The following KCNMB2 variants were observed in gnomAD, a reference collection of about 807,000 sequenced individuals.
KCNMB2 encodes the protein calcium-activated potassium channel subunit beta-2.
A neutral mutation model predicts 24.5 loss-of-function variants in KCNMB2; 9 were observed. That is an observed-to-expected ratio of 0.37 (90% CI 0.22 to 0.64). The LOEUF (loss-of-function observed/expected upper bound fraction) is 0.64, where lower values mean the gene tolerates loss of function less well. Ranked by LOEUF, KCNMB2 falls within the 30% of genes least tolerant of loss-of-function variation. The pLI, the probability that KCNMB2 is intolerant of heterozygous loss-of-function variation, is 0.63. For synonymous variants in KCNMB2, 109 were observed against 104.4 expected, an observed-to-expected ratio of 1.04 and a Z score of -0.27; for missense variants, 226 against 284.3, an observed-to-expected ratio of 0.79 and a Z score of 1.47.
chr3:178,829,944 C>A (rs1714990913), intron 4 of KCNMB2, among the ~76,000 whole-genome samples: 1 of 152,044 alleles, frequency 6.6e-6, no homozygotes, highest in Non-Finnish European at 1.5e-5. Context: ...TGAAAAAGTA[C>A]AGCTCAAGTA....
At chr3:178,777,638 A>G (rs1464095023) in intron 1 of KCNMB2, among the ~76,000 whole-genome samples, 1 of 152,204 alleles carries the variant, frequency 6.6e-6, no homozygotes, top group East Asian at 1.9e-4. Context: ...GTTCCCCTCC[A>G]CTAAAGGTGT....
chr3:178,594,963 T>C (rs1717812446), intron 1 of KCNMB2, among the ~76,000 whole-genome samples: 1 of 150,178 alleles, frequency 6.7e-6, no homozygotes, highest in Non-Finnish European at 1.5e-5. Flanking sequence ...AAATTATTTA[T>C]GAGGCTAATA....
chr3:178,722,930 A>G lies in KCNMB2; in HGVS notation c.-67-84413A>G, dbSNP rs745905878. ...TTCCCACCTTTGCATTGGGGATTAA[A>G]TTAACAATACATGAACTTTAGGGGA... On this transcript the variant is annotated intron_variant, in intron 1 of 4. Transcript: ENST00000452583. Among the ~76,000 whole-genome samples the G allele has an allele frequency of 2.0e-5, 3 of 152,154 alleles. 1 individual carries two copies. In the South Asian group the frequency reaches 6.2e-4, roughly 32 times the overall value.
intron 1 of KCNMB2, among the ~76,000 whole-genome samples, chr3:178,549,409 C>CA (rs1422852008): frequency 1.4e-5 from 2 of 145,862 alleles, no homozygotes; most frequent in Non-Finnish European, 3.0e-5. Flanking sequence ...CTCCTGGGTT[C>CA]AAGCGATTCT....
intron 1 of KCNMB2, among the ~76,000 whole-genome samples, chr3:178,790,150 A>G (rs974537218): frequency 6.6e-6 from 1 of 151,896 alleles, no homozygotes; most frequent in Admixed American, 6.6e-5. Flanking sequence ...TTCTAGATAC[A>G]CTGTGGGCCA....
Position 178,639,699 on chromosome 3 carries a change from TC to T in KCNMB2, c.-68+102990del, listed in dbSNP as rs1236899811. ...CCTGTTGCATGTTCCTTTCTATTCTTCCACTCTCTGTGAGTTATCACTCACT... is the reference window on the plus strand; with the variant it reads ...CCTGTTGCATGTTCCTTTCTATTCTTCACTCTCTGTGAGTTATCACTCACT... On this transcript the variant is annotated intron_variant, in intron 1 of 4. Coordinates refer to ENST00000452583, the MANE Select transcript of KCNMB2 (RefSeq NM_181361.3). 5.1e-4 allele frequency among the ~76,000 whole-genome samples: 77 copies of T among 152,358 alleles called. 1 individual carries two copies. Among genetic ancestry groups the T allele is most frequent in the African/African-American group, 1.8e-3 (75 of 41,586 alleles).
rs879539709 is a variant in KCNMB2 at position 178,782,910 on chromosome 3, T to G, written c.-67-24433T>G. ...GTAATGCCTAGGTTTTCTTCTAGGGTTTTTATGGTTTTAGGTCTAACATTT... is the reference window on the plus strand; with the variant it reads ...GTAATGCCTAGGTTTTCTTCTAGGGGTTTTATGGTTTTAGGTCTAACATTT... On this transcript the variant is annotated intron_variant, in intron 1 of 4. Transcript: ENST00000452583. Among the ~76,000 whole-genome samples the G allele has an allele frequency of 4.6e-3, 691 of 151,456 alleles. 2 individuals are homozygous for G. The highest frequency in any genetic ancestry group is 7.7e-3 in the Non-Finnish European group (518 of 67,674).
At chr3:178,582,864 A>G (rs1431491110) in intron 1 of KCNMB2, among the ~76,000 whole-genome samples, 1 of 152,204 alleles carries the variant, frequency 6.6e-6, no homozygotes, top group Non-Finnish European at 1.5e-5. Context: ...AAGGCCTTGG[A>G]TTAAATACTA....
intron 1 of KCNMB2, among the ~76,000 whole-genome samples, chr3:178,630,044 A>C (rs905381762): frequency 1.3e-5 from 2 of 152,184 alleles, no homozygotes; most frequent in Non-Finnish European, 2.9e-5. Flanking sequence ...CTCCAGTGCT[A>C]AAGGAAGAAC....
intron 1 of KCNMB2, among the ~76,000 whole-genome samples, chr3:178,650,077 T>C (rs990057585): frequency 3.3e-5 from 5 of 152,228 alleles, no homozygotes; most frequent in Non-Finnish European, 7.3e-5. Context: ...AACTTATTTA[T>C]TTCTGCCTTA....
chr3:178,585,858 T>C (rs1717410323), intron 1 of KCNMB2, among the ~76,000 whole-genome samples: 1 of 152,234 alleles, frequency 6.6e-6, no homozygotes, highest in Non-Finnish European at 1.5e-5. Flanking sequence ...AGTGATCATT[T>C]ATATGATAAT....
At chr3:178,650,715 T>C (rs1037805147) in intron 1 of KCNMB2, among the ~76,000 whole-genome samples, 2 of 152,106 alleles carry the variant, frequency 1.3e-5, no homozygotes, top group African/African-American at 4.8e-5. Context: ...TCCACCGTGA[T>C]CACGTTGCTT....
Position 178,843,103 on chromosome 3 carries a change from T to A in KCNMB2, c.*166T>A. On this transcript the variant is annotated 3_prime_UTR_variant, in exon 5 of 5. Transcript: ENST00000452583. Reference sequence around the variant, plus strand: ...AGCTGTTCTATATGCAAACATGATGTCTTTATTATTCAGGAGAATAAATAA... The same window carrying A: ...AGCTGTTCTATATGCAAACATGATGACTTTATTATTCAGGAGAATAAATAA... 1 of 680,402 alleles carries A rather than the reference T, an allele frequency of 1.5e-6. No homozygotes were observed. Among genetic ancestry groups the A allele is most frequent in the African/African-American group, 1.8e-5 (1 of 56,220 alleles). The allele number at this position is 680,402 out of a possible 1,614,324, so 42.1% of individuals were successfully genotyped here. A position where few individuals can be genotyped will look rare whatever the true frequency, so the allele number is the denominator to read the frequency against.
intron 1 of KCNMB2, among the ~76,000 whole-genome samples, chr3:178,756,876 T>G (rs1406346790): frequency 6.6e-6 from 1 of 152,036 alleles, no homozygotes; most frequent in Non-Finnish European, 1.5e-5. Context: ...TTTTCCATAA[T>G]GCACATCACA....
intron 1 of KCNMB2, among the ~76,000 whole-genome samples, chr3:178,674,681 G>A (rs990120534): frequency 2.0e-5 from 3 of 151,898 alleles, no homozygotes; most frequent in Non-Finnish European, 4.4e-5. Context: ...GAGCCTAACA[G>A]GCAAGCCAGA....
At chr3:178,799,515 C>CA (rs1481457716) in intron 1 of KCNMB2, among the ~76,000 whole-genome samples, 4 of 151,804 alleles carry the variant, frequency 2.6e-5, no homozygotes, top group Non-Finnish European at 4.4e-5. Flanking sequence ...AACAATGATG[C>CA]AAAAAATTGA....
chr3:178,678,677 T>C (rs1364422254), intron 1 of KCNMB2, among the ~76,000 whole-genome samples: 2 of 152,188 alleles, frequency 1.3e-5, no homozygotes, highest in African/African-American at 2.4e-5. Context: ...GATGCTGCTG[T>C]ATCCAAAAGA....
intron 1 of KCNMB2, among the ~76,000 whole-genome samples, chr3:178,556,774 C>T (rs1716139941): frequency 6.6e-6 from 1 of 152,028 alleles, no homozygotes; most frequent in South Asian, 2.1e-4. Flanking sequence ...TCACAGAGGC[C>T]AAAGGAAGAG....
chr3:178,641,089 GATTTCTTTA>G (rs1216387552), intron 1 of KCNMB2, among the ~76,000 whole-genome samples: 1 of 152,070 alleles, frequency 6.6e-6, no homozygotes, highest in Non-Finnish European at 1.5e-5. Flanking sequence ...ACACTGTCAT[GATTTCTTTA>G]ACTTTACATT....
Sources: allele counts gnomAD v4.1 joint callset (sites outside exome capture counted in the v4.1 genomes callset), GRCh38; gene constraint gnomAD v4.1.1; transcripts MANE v1.5; gene names NCBI Gene and HGNC (gene_info 2026-07-23, HGNC 2026-07-21).